The following CRYL1 variants were observed in gnomAD, a reference collection of about 807,000 sequenced individuals.
CRYL1 encodes crystallin lambda 1.
In CRYL1, 29 loss-of-function variants were observed where a neutral mutation model predicts 36.6. The ratio of observed to expected loss-of-function variants is 0.79; its 90% CI spans 0.59 to 1.08. CRYL1 has a LOEUF of 1.08. Ranked by LOEUF, CRYL1 falls within the 50% of genes least tolerant of loss-of-function variation. The pLI, the probability that CRYL1 is intolerant of heterozygous loss-of-function variation, is 0.00. For synonymous variants in CRYL1, 152 were observed against 151.5 expected (o/e 1.00, Z -0.02); for missense variants, 411 against 407.9 (o/e 1.01, Z -0.06).
At chr13:20,432,761 T>G (rs561466915) in intron 4 of CRYL1, among the ~76,000 whole-genome samples, 1 of 152,232 alleles carries the variant, frequency 6.6e-6, no homozygotes, top group African/African-American at 2.4e-5. Flanking sequence ...CTCACACCTG[T>G]AATCCCAGAA....
In CRYL1 at chr13:20,493,657, C is replaced by CAGA. The variant is rs890914788; in HGVS notation, c.150-4164_150-4162dup. ...CCTGGGCGACAGAGCTAAACTCCAT[C>CAGA]AGAAGAAGAAGAAGAAGAAAGAAGG... On this transcript the variant is annotated intron_variant, in intron 2 of 7. Transcript: ENST00000298248. 5.3e-5 allele frequency among the ~76,000 whole-genome samples: 8 copies of CAGA among 151,850 alleles called. No individual in the cohort carries two copies. In the East Asian group the frequency reaches 5.8e-4, roughly 11 times the overall value.
chr13:20,483,848 C>T (rs900801831), intron 3 of CRYL1, among the ~76,000 whole-genome samples: 2 of 151,596 alleles, frequency 1.3e-5, no homozygotes, highest in South Asian at 2.1e-4. Flanking sequence ...GCCCTCTTCT[C>T]GCTCTGTCGC....
In CRYL1 at chr13:20,435,938, G is replaced by C. The variant is rs1367917747; in HGVS notation, c.439-3642C>G. Among the ~76,000 whole-genome samples the C allele has an allele frequency of 6.6e-6, 1 of 152,214 alleles. No homozygotes were observed. Among genetic ancestry groups the C allele is most frequent in the Non-Finnish European group, 1.5e-5 (1 of 68,026 alleles). On this transcript the variant is annotated intron_variant, in intron 4 of 7. Transcript: ENST00000298248. The surrounding 1 kb of genome is among the most constrained non-coding windows in gnomAD (Gnocchi z 4.0). ...TTCATGGGTAGCCCATCCTCTCGGC[G>C]GCGCGCTCGCAGGGAGGGCTCAAAG... is the stretch of plus-strand genomic sequence containing the variant.
In CRYL1 at chr13:20,414,206, T is replaced by TACACAC. The variant is rs55719240; in HGVS notation, c.634-825_634-820dup. 3.3e-5 allele frequency among the ~76,000 whole-genome samples: 5 copies of TACACAC among 150,612 alleles called. No homozygotes were observed. In the East Asian group the frequency reaches 5.9e-4, roughly 18 times the overall value. On this transcript the variant is annotated intron_variant, in intron 5 of 7. Coordinates refer to ENST00000298248, the MANE Select transcript of CRYL1 (RefSeq NM_015974.3). ...AATAAATAAATAAAAATTAAAAAAA[T>TACACAC]ACACACACACACACACACACACATA...
chr13:20,512,508 T>G lies in CRYL1; in HGVS notation c.84A>C (p.Gly28=). 6.2e-7 allele frequency: 1 copy of G among 1,614,140 alleles called. No homozygotes were observed. The highest frequency in any genetic ancestry group is 2.2e-5 in the East Asian group (1 of 44,886). Residue 28 remains glycine (G), a synonymous_variant, in exon 2 of 8, where the codon GGA becomes GGC. Coordinates refer to ENST00000298248, the MANE Select transcript of CRYL1 (RefSeq NM_015974.3). The stretch of plus-strand genomic sequence containing the variant: ...TGTCATAGAGTTTCACCTGGAAGCC[T>G]CCACTGGCAAACAGCATGGCCCAGC... ...GRSWAMLFAS[G]GFQVKLYDIE... is the part of the protein sequence containing the mutation.
At chr13:20,509,950 A>G (rs984642268) in intron 2 of CRYL1, among the ~76,000 whole-genome samples, 1 of 152,140 alleles carries the variant, frequency 6.6e-6, no homozygotes, top group Non-Finnish European at 1.5e-5. Context: ...GAAACAAAAA[A>G]ACAAGGAGAT....
intron 3 of CRYL1, among the ~76,000 whole-genome samples, chr13:20,482,470 T>C (rs1241223467): frequency 6.6e-6 from 1 of 152,226 alleles, no homozygotes; most frequent in Non-Finnish European, 1.5e-5. Context: ...CAGAGTAAAC[T>C]TATTTTTCCA....
chr13:20,413,279 T>C lies in CRYL1; in HGVS notation c.739+3A>G, dbSNP rs370770284. On this transcript the variant is annotated splice_donor_region_variant and intron_variant, in intron 6 of 7. Transcript: ENST00000298248. ...AATTCCCATCCTGGCCCCAGATGCA[T>C]ACCTTCTGCATTGAGATGCATGGTT... 1.3e-6 allele frequency: 2 copies of C among 1,584,558 alleles called. No individual in the cohort carries two copies. The highest frequency in any genetic ancestry group is 2.2e-5 in the East Asian group (1 of 44,738).
At chr13:20,474,552 G>A (rs1264688284) in intron 3 of CRYL1, among the ~76,000 whole-genome samples, 1 of 150,730 alleles carries the variant, frequency 6.6e-6, no homozygotes, top group Non-Finnish European at 1.5e-5. Flanking sequence ...GTAAGTGATT[G>A]TAATTAGTAA....
chr13:20,441,204 G>T (rs1487797216), intron 3 of CRYL1, among the ~76,000 whole-genome samples: 3 of 152,082 alleles, frequency 2.0e-5, no homozygotes, highest in Non-Finnish European at 1.5e-5. Context: ...CTCTCAGTGT[G>T]GTGCAATAAC....
chr13:20,509,259 T>TGTTTC (rs2033871232), intron 2 of CRYL1, among the ~76,000 whole-genome samples: 4 of 151,452 alleles, frequency 2.6e-5, no homozygotes, highest in Admixed American at 2.6e-4. Context: ...TTTTTTGTTT[T>TGTTTC]GTTTTGTTTT....
At chr13:20,494,693 A>G (rs2033574261) in intron 2 of CRYL1, among the ~76,000 whole-genome samples, 1 of 152,260 alleles carries the variant, frequency 6.6e-6, no homozygotes, top group African/African-American at 2.4e-5. Flanking sequence ...GAGATTAGAC[A>G]GATAATGGGA....
At chr13:20,437,038 G>A (rs1391607242) in intron 4 of CRYL1, among the ~76,000 whole-genome samples, 1 of 152,066 alleles carries the variant, frequency 6.6e-6, no homozygotes, top group South Asian at 2.1e-4. Flanking sequence ...CCTTTGTCTT[G>A]TAATTCCATC....
intron 3 of CRYL1, among the ~76,000 whole-genome samples, chr13:20,450,232 A>G (rs2032540619): frequency 6.6e-6 from 1 of 152,198 alleles, no homozygotes; most frequent in East Asian, 1.9e-4. Flanking sequence ...ATATTGATAC[A>G]AAAACAGATG....
At chr13:20,434,021 G>A (rs1178460357) in intron 4 of CRYL1, among the ~76,000 whole-genome samples, 1 of 152,138 alleles carries the variant, frequency 6.6e-6, no homozygotes, top group Non-Finnish European at 1.5e-5. Context: ...CTGCAACTGA[G>A]TGCTGGACGC....
At chr13:20,468,658 T>C (rs1293195109) in intron 3 of CRYL1, among the ~76,000 whole-genome samples, 4 of 152,030 alleles carry the variant, frequency 2.6e-5, no homozygotes, top group Non-Finnish European at 5.9e-5. Context: ...CAGGCTGGAG[T>C]GCAGTGGCAC....
rs763051960 is a variant in CRYL1 at position 20,416,410 on chromosome 13, G to A, written c.634-3023C>T. ...TCCCGTGTGGAACACAGGCATTGTC[G>A]CCTCCTCTCCCTGGCAGGAGGTCTG... On this transcript the variant is annotated intron_variant, in intron 5 of 7. Transcript: ENST00000298248. Among the ~76,000 whole-genome samples the A allele has an allele frequency of 2.6e-5, 4 of 152,296 alleles. No individual in the cohort carries two copies. In the East Asian group the frequency reaches 5.8e-4, roughly 22 times the overall value.
chr13:20,415,669 A>G lies in CRYL1; in HGVS notation c.634-2282T>C, dbSNP rs1397934881. 6.6e-6 allele frequency among the ~76,000 whole-genome samples: 1 copy of G among 152,200 alleles called. No individual in the cohort carries two copies. The highest frequency in any genetic ancestry group is 1.5e-5 in the Non-Finnish European group (1 of 68,012). On this transcript the variant is annotated intron_variant, in intron 5 of 7. Coordinates refer to ENST00000298248, the MANE Select transcript of CRYL1 (RefSeq NM_015974.3). The surrounding 1 kb of genome is among the most constrained non-coding windows in gnomAD (Gnocchi z 4.1). Reference sequence around the variant, plus strand: ...CACAGTCCACGTTTCCAGGAGAATTACAAAGCAAACGCTTGGCCTCGCCTG... The same window carrying G: ...CACAGTCCACGTTTCCAGGAGAATTGCAAAGCAAACGCTTGGCCTCGCCTG...
chr13:20,423,280 A>G (rs2031860298), intron 5 of CRYL1, among the ~76,000 whole-genome samples: 1 of 152,138 alleles, frequency 6.6e-6, no homozygotes, highest in African/African-American at 2.4e-5. Context: ...CCTAATTGCT[A>G]TGGCTAGGAC....
Sources: gnomAD v4.1 joint callset for allele counts (sites outside exome capture counted in the v4.1 genomes callset) on GRCh38, gnomAD v4.1.1 for gene constraint, Gnocchi (gnomAD v3.1) non-coding constraint, MANE v1.5 for transcripts, NCBI Gene and HGNC (gene_info 2026-07-23, HGNC 2026-07-21) for gene names.